The following SPTLC3 variants were observed in gnomAD, a reference collection of about 807,000 sequenced individuals.
The protein encoded by SPTLC3 is serine palmitoyltransferase long chain base subunit 3.
A neutral mutation model predicts 59.3 loss-of-function variants in SPTLC3; 36 were observed. That is an observed-to-expected ratio of 0.61 (90% CI 0.47 to 0.80). SPTLC3 has a LOEUF of 0.80. Ranked by LOEUF, SPTLC3 falls within the 30% of genes least tolerant of loss-of-function variation. The pLI, the probability that SPTLC3 is intolerant of heterozygous loss-of-function variation, is 0.00. For synonymous variants in SPTLC3, 257 were observed against 240.8 expected (o/e 1.07, Z -0.62); for missense variants, 625 against 685.1 (o/e 0.91, Z 0.98).
rs2039007339 is a variant in SPTLC3 at position 13,168,160 on chromosome 20, T to A, written c.*3293T>A. On this transcript the variant is annotated 3_prime_UTR_variant, in exon 12 of 12. Transcript: ENST00000399002. ...AGATGCCCATTTGCTTTGAATGTGG[T>A]ATCTTTCTTTTCTTTCTTTCTTTTT... is the stretch of plus-strand genomic sequence containing the variant. 1 of 151,532 alleles carries A rather than the reference T, an allele frequency of 6.6e-6. No individual in the cohort carries two copies. The highest frequency in any genetic ancestry group is 2.4e-5 in the African/African-American group (1 of 41,222). The allele number at this position is 151,532 out of a possible 1,614,324, so 9.4% of individuals were successfully genotyped here.
At chr20:13,094,105 G>A (rs1172768567) in intron 6 of SPTLC3, among the ~76,000 whole-genome samples, 2 of 152,100 alleles carry the variant, frequency 1.3e-5, no homozygotes, top group Non-Finnish European at 2.9e-5. Context: ...CAGGCAGAAG[G>A]CTATTTCTTC....
rs2038966916 is a variant in SPTLC3 at position 13,165,056 on chromosome 20, T to C, written c.*189T>C. The stretch of plus-strand genomic sequence containing the variant: ...TTGGACTGCAGAGACAAAAACATGA[T>C]TCCAGATTTAAGTCTCTCTTCTTCC... On this transcript the variant is annotated 3_prime_UTR_variant, in exon 12 of 12. Transcript: ENST00000399002. 1 of 540,538 alleles carries C rather than the reference T, an allele frequency of 1.9e-6. No homozygotes were observed. Among genetic ancestry groups the C allele is most frequent in the Non-Finnish European group, 3.3e-6 (1 of 304,162 alleles). The allele number at this position is 540,538 out of a possible 1,614,324, so 33.5% of individuals were successfully genotyped here.
intron 1 of SPTLC3, among the ~76,000 whole-genome samples, chr20:13,026,363 CT>C (rs898036000): frequency 5.9e-5 from 9 of 151,888 alleles, no homozygotes; most frequent in Non-Finnish European, 8.8e-5. Flanking sequence ...TAAGTGTTCC[CT>C]TTTTTTTGCA....
chr20:13,011,141 AC>A (rs1327981842), intron 1 of SPTLC3, among the ~76,000 whole-genome samples: 1 of 152,170 alleles, frequency 6.6e-6, no homozygotes, highest in Non-Finnish European at 1.5e-5. Context: ...AAACAAACGA[AC>A]AAAAAAAACC....
At chr20:13,124,638 G>T (rs967784583) in intron 8 of SPTLC3, among the ~76,000 whole-genome samples, 4 of 152,168 alleles carry the variant, frequency 2.6e-5, no homozygotes, top group Non-Finnish European at 5.9e-5. Context: ...ACATCCCTTG[G>T]TTCCCCTCAT....
intron 9 of SPTLC3, among the ~76,000 whole-genome samples, chr20:13,138,465 T>C (rs1470922893): frequency 6.6e-6 from 1 of 152,184 alleles, no homozygotes; most frequent in African/African-American, 2.4e-5. Context: ...TTTACTTCTA[T>C]TATGTTAGTC....
At chr20:13,159,235 G>T (rs1382549376) in intron 10 of SPTLC3, among the ~76,000 whole-genome samples, 1 of 152,176 alleles carries the variant, frequency 6.6e-6, no homozygotes, top group Admixed American at 6.5e-5. Flanking sequence ...GCATCAGACC[G>T]CTTTCTAGTT....
chr20:13,087,884 A>T (rs1165757967), intron 4 of SPTLC3, among the ~76,000 whole-genome samples: 1 of 152,228 alleles, frequency 6.6e-6, no homozygotes, highest in Non-Finnish European at 1.5e-5. Context: ...TTCCCTGGGG[A>T]AGCTGAGAAA....
chr20:13,103,394 A>C (rs1296864043), intron 6 of SPTLC3, among the ~76,000 whole-genome samples: 1 of 152,218 alleles, frequency 6.6e-6, no homozygotes. Flanking sequence ...ATGAAACTGC[A>C]TGTCCAAAGG....
intron 4 of SPTLC3, among the ~76,000 whole-genome samples, chr20:13,085,970 C>G (rs1988992867): frequency 6.6e-6 from 1 of 151,944 alleles, no homozygotes; most frequent in African/African-American, 2.4e-5. Context: ...TTATGCATAA[C>G]ATAGCAATTT....
At chr20:13,021,112 G>C (rs1456152401) in intron 1 of SPTLC3, among the ~76,000 whole-genome samples, 1 of 152,120 alleles carries the variant, frequency 6.6e-6, no homozygotes, top group Non-Finnish European at 1.5e-5. Flanking sequence ...TGCAGCATTA[G>C]TGAAAAATAA....
chr20:13,101,597 G>A (rs933660366), intron 6 of SPTLC3, among the ~76,000 whole-genome samples: 1 of 152,140 alleles, frequency 6.6e-6, no homozygotes. Flanking sequence ...GCCATTTCAC[G>A]GCCTCAGCTA....
intron 9 of SPTLC3, among the ~76,000 whole-genome samples, chr20:13,142,270 A>G (rs4814205): frequency 0.29 from 43,607 of 152,058 alleles, 6,360 homozygotes; most frequent in South Asian, 0.46. Flanking sequence ...CCCACAAACA[A>G]GATATCCTTT....
In SPTLC3 at chr20:13,088,229, C is replaced by T. The variant is rs117547649; in HGVS notation, c.608-2854C>T. ...GTTCCATAATATATCTTTGATAATACAAAGTTTGAAATTACAATGTAAACT... is the reference window on the plus strand; with the variant it reads ...GTTCCATAATATATCTTTGATAATATAAAGTTTGAAATTACAATGTAAACT... On this transcript the variant is annotated intron_variant, in intron 4 of 11. Coordinates refer to ENST00000399002, the MANE Select transcript of SPTLC3 (RefSeq NM_018327.4). Among the ~76,000 whole-genome samples, 1,042 of 152,330 alleles carry T rather than the reference C, an allele frequency of 6.8e-3. 3 individuals are homozygous for T. The highest frequency in any genetic ancestry group is 0.01 in the Non-Finnish European group (686 of 68,032).
chr20:13,132,429 G>C (rs6134790), intron 9 of SPTLC3, among the ~76,000 whole-genome samples: 2 of 151,826 alleles, frequency 1.3e-5, no homozygotes, highest in African/African-American at 4.8e-5. Context: ...CACCCACCTC[G>C]GCCTCCCAAA....
At chr20:13,088,496 A>G (rs1173477545) in intron 4 of SPTLC3, among the ~76,000 whole-genome samples, 9 of 149,212 alleles carry the variant, frequency 6.0e-5, no homozygotes, top group East Asian at 6.0e-4. Context: ...CACCACGCCC[A>G]GCTAATTTTT....
chr20:13,075,952 T>G (rs573574189), intron 4 of SPTLC3, among the ~76,000 whole-genome samples: 31 of 152,316 alleles, frequency 2.0e-4, no homozygotes, highest in Non-Finnish European at 3.5e-4. Context: ...GGTCCCCGAC[T>G]CCATAGGTTT....
intron 9 of SPTLC3, among the ~76,000 whole-genome samples, chr20:13,138,407 T>G (rs58874823): frequency 0.017 from 2,652 of 152,300 alleles, 79 homozygotes; most frequent in African/African-American, 0.061. Flanking sequence ...CCTATCTTGA[T>G]GGCCCCAGTC....
chr20:13,126,862 G>A (rs1003374980), intron 9 of SPTLC3, 145 bp downstream of exon 9: 107 of 1,163,578 alleles, frequency 9.2e-5, no homozygotes, highest in South Asian at 3.0e-4. Flanking sequence ...CAAAACTGCC[G>A]TTAGCACACC....
Sources: gnomAD v4.1 joint callset for allele counts (sites outside exome capture counted in the v4.1 genomes callset) on GRCh38, gnomAD v4.1.1 for gene constraint, MANE v1.5 for transcripts, NCBI Gene and HGNC (gene_info 2026-07-23, HGNC 2026-07-21) for gene names.